Variants in ANKRD6 observed in about 807,000 individuals in gnomAD.
The protein encoded by ANKRD6 is ankyrin repeat domain 6.
ANKRD6 carries 56 observed loss-of-function variants against 82.3 expected under a neutral mutation model. That is an observed-to-expected ratio of 0.68 (90% CI 0.55 to 0.85). The LOEUF is 0.85. ANKRD6 is among the 40% of genes least tolerant of loss of function. ANKRD6 has a pLI of 0.00. For missense variants in ANKRD6, 852 were observed against 907.6 expected, an observed-to-expected ratio of 0.94 and a Z score of 0.79; for synonymous variants, 347 against 352.1, an observed-to-expected ratio of 0.99 and a Z score of 0.16.
intron 1 of ANKRD6, among the ~76,000 whole-genome samples, chr6:89,462,638 T>G (rs1347021771): frequency 6.6e-6 from 1 of 152,236 alleles, no homozygotes; most frequent in African/African-American, 2.4e-5. Flanking sequence ...CATATGCCTC[T>G]GTTCTGTCTT....
chr6:89,564,758 G>A (rs1051699339), intron 1 of ANKRD6, among the ~76,000 whole-genome samples: 2 of 152,164 alleles, frequency 1.3e-5, no homozygotes, highest in African/African-American at 4.8e-5. Context: ...GTATGAACTG[G>A]GCTGTTGTAC....
chr6:89,589,687 A>T (rs1794490902), intron 2 of ANKRD6, among the ~76,000 whole-genome samples: 1 of 152,184 alleles, frequency 6.6e-6, no homozygotes, highest in Non-Finnish European at 1.5e-5. Flanking sequence ...AATGGGAGTC[A>T]CTCTGATGTT....
At chr6:89,585,414 T>TG (rs1195336054) in intron 2 of ANKRD6, among the ~76,000 whole-genome samples, 18 of 152,358 alleles carry the variant, frequency 1.2e-4, no homozygotes, top group Admixed American at 6.5e-4. Context: ...TGGATGGTGG[T>TG]GGTGCTTGTG....
At chr6:89,588,137 CT>C (rs763349496) in intron 2 of ANKRD6, among the ~76,000 whole-genome samples, 1 of 149,496 alleles carries the variant, frequency 6.7e-6, no homozygotes, top group Non-Finnish European at 1.5e-5. Flanking sequence ...GAGTCTTCCA[CT>C]TTTTAAAATC....
Position 89,632,998 on chromosome 6 carries a change from C to T in ANKRD6, c.*1994C>T, listed in dbSNP as rs546538907. On this transcript the variant is annotated 3_prime_UTR_variant, in exon 16 of 16. Transcript: ENST00000339746. ...TATCCTTGTTGAGGAATGCTGAAAA[C>T]TAAATTTTAAGTATCAAGTCTAGAC... The T allele has an allele frequency of 9.8e-5, 15 of 152,286 alleles. No individual in the cohort carries two copies. The highest frequency in any genetic ancestry group is 3.4e-4 in the African/African-American group (14 of 41,568). The allele number at this position is 152,286 out of a possible 1,614,324, so 9.4% of individuals were successfully genotyped here.
intron 1 of ANKRD6, among the ~76,000 whole-genome samples, chr6:89,489,066 C>G (rs146029297): frequency 6.6e-6 from 1 of 152,128 alleles, no homozygotes; most frequent in South Asian, 2.1e-4. Flanking sequence ...TCTCATGCGT[C>G]GCACATTGCC....
intron 2 of ANKRD6, among the ~76,000 whole-genome samples, chr6:89,586,929 T>C (rs9344945): frequency 0.98 from 149,091 of 152,264 alleles, 73,051 homozygotes; most frequent in East Asian, 1. Flanking sequence ...TGGCTCATGG[T>C]TAAAATCCTA....
chr6:89,477,538 G>A (rs1346984438), intron 1 of ANKRD6, among the ~76,000 whole-genome samples: 8 of 151,876 alleles, frequency 5.3e-5, no homozygotes, highest in Admixed American at 2.6e-4. Flanking sequence ...TTGGGAGGCC[G>A]AGGCGGGCGG....
chr6:89,521,375 G>A (rs188579700), intron 1 of ANKRD6, among the ~76,000 whole-genome samples: 1 of 152,320 alleles, frequency 6.6e-6, no homozygotes, highest in East Asian at 1.9e-4. Flanking sequence ...GAATTAAAGA[G>A]ATGGAGGAGC....
At position 89,631,796 on chromosome 6, in the gene ANKRD6, C is replaced by G. The variant is rs972765615; in HGVS notation, c.*792C>G. On this transcript the variant is annotated 3_prime_UTR_variant, in exon 16 of 16. Transcript: ENST00000339746. Reference sequence around the variant, plus strand: ...TAACAATTACCTGAAAATTTATAACCTATTCCTAATCAAACCCAATTATAT... The same window carrying G: ...TAACAATTACCTGAAAATTTATAACGTATTCCTAATCAAACCCAATTATAT... The G allele has an allele frequency of 9.2e-5, 14 of 152,116 alleles. No individual in the cohort carries two copies. Among genetic ancestry groups the G allele is most frequent in the African/African-American group, 3.1e-4 (13 of 41,408 alleles). The allele number at this position is 152,116 out of a possible 1,614,324, so 9.4% of individuals were successfully genotyped here.
At chr6:89,493,024 A>C (rs1375780279) in intron 1 of ANKRD6, among the ~76,000 whole-genome samples, 2 of 152,164 alleles carry the variant, frequency 1.3e-5, no homozygotes, top group East Asian at 3.9e-4. Flanking sequence ...AAATAATTCA[A>C]GCTTGTTGTA....
intron 1 of ANKRD6, among the ~76,000 whole-genome samples, chr6:89,471,893 C>A: frequency 7.7e-6 from 1 of 130,228 alleles, no homozygotes; most frequent in African/African-American, 2.9e-5. Flanking sequence ...GAGATGAGGT[C>A]ACGCCATTGC....
chr6:89,500,527 C>T (rs902042356), intron 1 of ANKRD6, among the ~76,000 whole-genome samples: 2 of 152,098 alleles, frequency 1.3e-5, no homozygotes, highest in African/African-American at 2.4e-5. Context: ...CATTAAAAAA[C>T]GAATAGTAAC....
At chr6:89,548,802 T>G (rs1785439800) in intron 1 of ANKRD6, among the ~76,000 whole-genome samples, 1 of 152,226 alleles carries the variant, frequency 6.6e-6, no homozygotes, top group Admixed American at 6.5e-5. Context: ...ACGCAGCGTC[T>G]TAGTGTGTAG....
chr6:89,612,169 C>T (rs1469944648), intron 5 of ANKRD6, 103 bp from the exon 6 acceptor site: 20 of 988,766 alleles, frequency 2.0e-5, no homozygotes, highest in South Asian at 3.3e-5. Flanking sequence ...AGAATGTGAG[C>T]GTTGCCTTTT....
intron 1 of ANKRD6, among the ~76,000 whole-genome samples, chr6:89,549,638 A>C (rs1326629670): frequency 2.0e-5 from 3 of 152,186 alleles, no homozygotes; most frequent in African/African-American, 7.2e-5. Flanking sequence ...CAAAACAAAA[A>C]CAACTTGGAG....
At chr6:89,622,173 CT>C in intron 10 of ANKRD6, 147 bp downstream of exon 10, 2 of 702,872 alleles carry the variant, frequency 2.8e-6, no homozygotes, top group Non-Finnish European at 4.8e-6. Flanking sequence ...TGTTGCCAGT[CT>C]TTTTCTCTTT....
chr6:89,535,869 C>A (rs1783759183), intron 1 of ANKRD6, among the ~76,000 whole-genome samples: 2 of 152,212 alleles, frequency 1.3e-5, no homozygotes, highest in Non-Finnish European at 2.9e-5. Context: ...GTCTCTTGTT[C>A]ACTTTCCTCA....
intron 1 of ANKRD6, chr6:89,565,496 C>T (rs1788313708): frequency 6.6e-6 from 1 of 152,158 alleles, no homozygotes; most frequent in African/African-American, 2.4e-5. Context: ...TCTTTAATAC[C>T]CACCACAGTC....
Sources: allele counts gnomAD v4.1 joint callset (sites outside exome capture counted in the v4.1 genomes callset), GRCh38; gene constraint gnomAD v4.1.1; transcripts MANE v1.5; gene names NCBI Gene and HGNC (gene_info 2026-07-23, HGNC 2026-07-21).